CSMD1: variants seen among roughly 807,000 people sequenced by gnomAD.
CSMD1 encodes the protein CUB and sushi domain-containing protein 1.
In CSMD1, 213 loss-of-function variants were observed where a neutral mutation model predicts 417.5. The observed-to-expected ratio is 0.51, with a 90% confidence interval of 0.46 to 0.57. The LOEUF (loss-of-function observed/expected upper bound fraction) is 0.57. Ranked by LOEUF, CSMD1 falls within the 20% of genes least tolerant of loss-of-function variation. The pLI is 0.00. For synonymous variants in CSMD1, 2,862 were observed against 1,736.8 expected, an observed-to-expected ratio of 1.65 and a Z score of -16.11; for missense variants, 6,923 against 4,529.7, an observed-to-expected ratio of 1.53 and a Z score of -15.17.
intron 26 of CSMD1, among the ~76,000 whole-genome samples, chr8:3,246,899 TTCTC>T (rs1218631560): frequency 6.6e-6 from 1 of 152,232 alleles, no homozygotes; most frequent in Non-Finnish European, 1.5e-5. Context: ...TTCCAATTCT[TTCTC>T]TCTTTTTTTG....
At chr8:4,585,898 T>C (rs2130714218) in intron 2 of CSMD1, among the ~76,000 whole-genome samples, 2 of 152,318 alleles carry the variant, frequency 1.3e-5, no homozygotes, top group African/African-American at 4.8e-5. Context: ...CAATACAAAA[T>C]GTAAGCTGAT....
intron 12 of CSMD1, among the ~76,000 whole-genome samples, chr8:3,419,950 A>T (rs2166707): frequency 6.6e-6 from 1 of 152,156 alleles, no homozygotes; most frequent in South Asian, 2.1e-4. Context: ...GTGAGTTGCT[A>T]GAAGTACCTG....
At chr8:3,738,397 A>G (rs187919991) in intron 6 of CSMD1, among the ~76,000 whole-genome samples, 20 of 152,338 alleles carry the variant, frequency 1.3e-4, no homozygotes, top group Admixed American at 5.2e-4. Context: ...TTCTCATAAA[A>G]TATGCATGGT....
chr8:4,359,929 G>A (rs141999722), intron 3 of CSMD1, among the ~76,000 whole-genome samples: 3 of 152,136 alleles, frequency 2.0e-5, no homozygotes, highest in African/African-American at 7.2e-5. Context: ...AACGTTCAGT[G>A]AAAGAATGCT....
chr8:3,556,512 ACACG>A (rs950608285), intron 10 of CSMD1, among the ~76,000 whole-genome samples: 5 of 79,724 alleles, frequency 6.3e-5, no homozygotes, highest in South Asian at 4.3e-4. Context: ...CTTCTTTTTC[ACACG>A]CACACACACA....
chr8:3,986,471 G>T lies in CSMD1; in HGVS notation c.818+11432C>A, dbSNP rs78137405. ...TCAGGGTATAGCCATGTGCAAAGCC[G>T]AGCAACTGACTTCCCTGGCTACCAA... On this transcript the variant is annotated intron_variant, in intron 5 of 69. Coordinates refer to ENST00000635120, the MANE Select transcript of CSMD1 (RefSeq NM_033225.6). Among the ~76,000 whole-genome samples, 17 of 152,174 alleles carry T rather than the reference G, an allele frequency of 1.1e-4. No individual in the cohort carries two copies. The East Asian group carries it at 3.1e-3, about 28-fold the overall frequency.
chr8:4,451,529 G>C (rs1205689136), intron 2 of CSMD1, among the ~76,000 whole-genome samples: 2 of 152,060 alleles, frequency 1.3e-5, no homozygotes, highest in Admixed American at 6.6e-5. Context: ...AAATTCCAGA[G>C]ACAGTGACTC....
At chr8:3,698,015 T>C (rs879829053) in intron 7 of CSMD1, among the ~76,000 whole-genome samples, 21 of 152,124 alleles carry the variant, frequency 1.4e-4, no homozygotes, top group Admixed American at 1.3e-3. Flanking sequence ...AATCAGGCTA[T>C]ACATTGTTTT....
At chr8:4,315,961 C>G (rs181061085) in intron 3 of CSMD1, among the ~76,000 whole-genome samples, 1 of 151,980 alleles carries the variant, frequency 6.6e-6, no homozygotes, top group African/African-American at 2.4e-5. Flanking sequence ...AAATAAAGAA[C>G]GGGAAATTTT....
At chr8:3,220,554 A>C (rs12549668) in intron 28 of CSMD1, among the ~76,000 whole-genome samples, 42,427 of 152,126 alleles carry the variant, frequency 0.28, 6,056 homozygotes, top group East Asian at 0.3. Flanking sequence ...CCATTGCAGC[A>C]GAGCACAGTG....
chr8:3,467,973 A>G (rs572278567), intron 12 of CSMD1, among the ~76,000 whole-genome samples: 2 of 152,242 alleles, frequency 1.3e-5, no homozygotes, highest in Non-Finnish European at 2.9e-5. Flanking sequence ...TCTCATTTTT[A>G]CCTAAACACA....
chr8:4,257,272 G>A (rs1290190076), intron 3 of CSMD1, among the ~76,000 whole-genome samples: 1 of 152,030 alleles, frequency 6.6e-6, no homozygotes, highest in East Asian at 1.9e-4. Flanking sequence ...CAGTCTTTCT[G>A]TACCCTTTCT....
chr8:3,145,993 G>A (rs1818820116), intron 40 of CSMD1, among the ~76,000 whole-genome samples: 1 of 152,212 alleles, frequency 6.6e-6, no homozygotes, highest in African/African-American at 2.4e-5. Flanking sequence ...TTAGTTGATA[G>A]AACCTGTGAA....
intron 68 of CSMD1, among the ~76,000 whole-genome samples, chr8:2,942,928 A>G (rs1801989721): frequency 6.6e-6 from 1 of 152,206 alleles, no homozygotes; most frequent in Non-Finnish European, 1.5e-5. Flanking sequence ...GAAAACATTT[A>G]TGTATTTTTT....
chr8:2,946,977 A>C (rs1802285429), intron 68 of CSMD1, among the ~76,000 whole-genome samples: 1 of 152,206 alleles, frequency 6.6e-6, no homozygotes, highest in Non-Finnish European at 1.5e-5. Context: ...GATAATGATT[A>C]TAATCAACAT....
intron 8 of CSMD1, among the ~76,000 whole-genome samples, chr8:3,615,931 A>G (rs763416668): frequency 6.6e-6 from 1 of 152,190 alleles, no homozygotes; most frequent in African/African-American, 2.4e-5. Flanking sequence ...TAATAGGACT[A>G]TTATAATCAC....
chr8:4,754,263 C>T (rs1338419487), intron 1 of CSMD1, among the ~76,000 whole-genome samples: 1 of 152,050 alleles, frequency 6.6e-6, no homozygotes, highest in Non-Finnish European at 1.5e-5. Context: ...ATAAGATTGA[C>T]TAAGAAGACA....
intron 50 of CSMD1, among the ~76,000 whole-genome samples, chr8:3,037,298 T>C (rs62490494): frequency 0.33 from 48,957 of 146,876 alleles, 8,879 homozygotes; most frequent in African/African-American, 0.44. Flanking sequence ...CTCCGCCTCC[T>C]GGGTTCACGC....
chr8:4,078,398 T>C (rs1391940358), intron 3 of CSMD1, among the ~76,000 whole-genome samples: 1 of 145,708 alleles, frequency 6.9e-6, no homozygotes, highest in East Asian at 2.1e-4. Flanking sequence ...CACTGCAAGC[T>C]CCACCTCCCG....
Sources: gnomAD v4.1 joint callset for allele counts (sites outside exome capture counted in the v4.1 genomes callset) on GRCh38, gnomAD v4.1.1 for gene constraint, MANE v1.5 for transcripts, NCBI Gene and HGNC (gene_info 2026-07-23, HGNC 2026-07-21) for gene names.